The following ZMAT5 variants were observed in gnomAD, a reference collection of about 807,000 sequenced individuals.
ZMAT5 encodes the protein zinc finger matrin-type protein 5.
A neutral mutation model predicts 28.0 loss-of-function variants in ZMAT5; 23 were observed. That is an observed-to-expected ratio of 0.82 (90% CI 0.59 to 1.16). ZMAT5 has a LOEUF of 1.16. Ranked by LOEUF, ZMAT5 falls within the 50% of genes most tolerant of loss-of-function variation. The pLI is 0.00. For synonymous variants in ZMAT5, 76 were observed against 84.1 expected (o/e 0.90, Z 0.52); for missense variants, 173 against 212.7 (o/e 0.81, Z 1.16).
intron 4 of ZMAT5, 49 bp downstream of exon 4, chr22:29,740,601 A>G (rs2067952128): frequency 2.6e-6 from 4 of 1,540,918 alleles, no homozygotes; most frequent in African/African-American, 1.4e-5. Flanking sequence ...CAGAGCCCAC[A>G]TGCCCCAGCA....
intron 1 of ZMAT5, among the ~76,000 whole-genome samples, chr22:29,750,419 A>C (rs1042509780): frequency 6.6e-6 from 1 of 152,182 alleles, no homozygotes; most frequent in Admixed American, 6.5e-5. Context: ...CACAGAGGGA[A>C]ATGAAAACAT....
intron 2 of ZMAT5, among the ~76,000 whole-genome samples, chr22:29,743,565 G>T (rs1373433459): frequency 6.6e-6 from 1 of 151,992 alleles, no homozygotes; most frequent in Non-Finnish European, 1.5e-5. Flanking sequence ...CGAGTAGCTG[G>T]GACTACAGGC....
intron 1 of ZMAT5, among the ~76,000 whole-genome samples, chr22:29,763,648 G>A (rs76871228): frequency 0.077 from 11,606 of 151,086 alleles, 508 homozygotes; most frequent in Non-Finnish European, 0.089. Flanking sequence ...ATTAGGCTGG[G>A]GAGATGGCTC....
At chr22:29,742,392 G>A (rs539943416) in intron 3 of ZMAT5, 26 bp downstream of exon 3, 1 of 1,611,444 alleles carries the variant, frequency 6.2e-7, no homozygotes, top group South Asian at 1.1e-5. Context: ...TCCCCGCAGG[G>A]ACCTGAGCTG....
At chr22:29,739,411 C>T (rs58959802) in intron 4 of ZMAT5, among the ~76,000 whole-genome samples, 6,824 of 152,066 alleles carry the variant, frequency 0.045, 520 homozygotes, top group African/African-American at 0.16. Flanking sequence ...CACTCGGGGC[C>T]GGGCCCTGGT....
At chr22:29,749,334 A>G (rs1015958617) in intron 1 of ZMAT5, among the ~76,000 whole-genome samples, 1 of 152,002 alleles carries the variant, frequency 6.6e-6, no homozygotes, top group Non-Finnish European at 1.5e-5. Context: ...TGGCCCCCCA[A>G]AGTGCTGGGA....
chr22:29,754,568 T>C (rs1409269850), intron 1 of ZMAT5, among the ~76,000 whole-genome samples: 1 of 152,142 alleles, frequency 6.6e-6, no homozygotes, highest in East Asian at 1.9e-4. Context: ...ACCGAGGCAG[T>C]AGTACATTAA....
chr22:29,760,448 G>T (rs1261858371), intron 1 of ZMAT5, among the ~76,000 whole-genome samples: 1 of 151,832 alleles, frequency 6.6e-6, no homozygotes, highest in Non-Finnish European at 1.5e-5. Flanking sequence ...GGAAGCTGAG[G>T]CACGAGATTG....
intron 2 of ZMAT5, chr22:29,747,867 C>T (rs1177478717): frequency 5.8e-6 from 1 of 173,484 alleles, no homozygotes; most frequent in Non-Finnish European, 1.3e-5. Context: ...CCCAACTGCT[C>T]CCCACGAAGC....
rs780215055 is a variant in ZMAT5, at chr22:29,765,449, T to TA, written c.-28+1422dup. Among the ~76,000 whole-genome samples the TA allele has an allele frequency of 5.6e-4, 85 of 151,944 alleles. 2 individuals carry two copies. The East Asian group carries it at 0.012, about 22-fold the overall frequency. On this transcript the variant is annotated intron_variant, in intron 1 of 5. Transcript: ENST00000344318. ...CAAAAAACAAAAAACAAAAAAAACT[T>TA]AGATATCCTCCTCAATTCCTCTTTC... is the stretch of plus-strand genomic sequence containing the variant.
At chr22:29,740,608 A>C in intron 4 of ZMAT5, 42 bp downstream of exon 4, 1 of 1,552,442 alleles carries the variant, frequency 6.4e-7, no homozygotes, top group Non-Finnish European at 8.7e-7. Context: ...CACATGCCCC[A>C]GCACCCCACT....
chr22:29,731,588 A>G, intron 5 of ZMAT5: 2 of 490,834 alleles, frequency 4.1e-6, no homozygotes, highest in East Asian at 8.2e-5. Flanking sequence ...CTGCGAGACA[A>G]TGGGAATAAC....
chr22:29,734,068 T>C (rs1280403344), intron 5 of ZMAT5, among the ~76,000 whole-genome samples: 1 of 152,138 alleles, frequency 6.6e-6, no homozygotes, highest in Admixed American at 6.5e-5. Context: ...TGGGCCAGGA[T>C]GGCAGCGCCC....
At chr22:29,732,194 T>C (rs981232232) in intron 5 of ZMAT5, among the ~76,000 whole-genome samples, 2 of 152,252 alleles carry the variant, frequency 1.3e-5, no homozygotes, top group African/African-American at 4.8e-5. Flanking sequence ...CAGGGCCGCA[T>C]GGCCCTTCTC....
At chr22:29,753,002 A>C (rs929209750) in intron 1 of ZMAT5, among the ~76,000 whole-genome samples, 2 of 151,952 alleles carry the variant, frequency 1.3e-5, no homozygotes, top group African/African-American at 4.8e-5. Flanking sequence ...AGGTCACAGC[A>C]CCCCCATCTC....
At chr22:29,751,329 G>A (rs967326790) in intron 1 of ZMAT5, among the ~76,000 whole-genome samples, 1 of 152,170 alleles carries the variant, frequency 6.6e-6, no homozygotes, top group Non-Finnish European at 1.5e-5. Flanking sequence ...CGTTCACTGT[G>A]GGAATATGAG....
At chr22:29,741,855 T>C (rs878985073) in intron 3 of ZMAT5, among the ~76,000 whole-genome samples, 1 of 152,162 alleles carries the variant, frequency 6.6e-6, no homozygotes, top group Non-Finnish European at 1.5e-5. Context: ...GGTCTCGCTA[T>C]GTTGCCCAGG....
intron 1 of ZMAT5, among the ~76,000 whole-genome samples, chr22:29,754,903 T>C (rs563371093): frequency 6.6e-6 from 1 of 152,244 alleles, no homozygotes; most frequent in East Asian, 1.9e-4. Flanking sequence ...AGCATATAGT[T>C]CCTGCTCAAT....
intron 1 of ZMAT5, among the ~76,000 whole-genome samples, chr22:29,764,193 C>G (rs1453683920): frequency 1.3e-5 from 2 of 152,184 alleles, no homozygotes; most frequent in East Asian, 3.8e-4. Flanking sequence ...CTTTAACTCC[C>G]TGTGGTCTTC....
Sources: allele counts gnomAD v4.1 joint callset (sites outside exome capture counted in the v4.1 genomes callset), GRCh38; gene constraint gnomAD v4.1.1; transcripts MANE v1.5; gene names NCBI Gene and HGNC (gene_info 2026-07-23, HGNC 2026-07-21).